Variants in HNRNPA1L2 observed in about 807,000 individuals in gnomAD.
The protein encoded by HNRNPA1L2 is heterogeneous nuclear ribonucleoprotein A1 like 2.
In HNRNPA1L2, 10 loss-of-function variants were observed where a neutral mutation model predicts 18.2. The observed-to-expected ratio is 0.55, with a 90% CI of 0.34 to 0.93. HNRNPA1L2 has a LOEUF of 0.93. Ranked by LOEUF, HNRNPA1L2 falls within the 40% of genes least tolerant of loss-of-function variation. The pLI is 0.02. For synonymous variants in HNRNPA1L2, 124 were observed against 138.6 expected (o/e 0.89, Z 0.74); for missense variants, 308 against 394.4 (o/e 0.78, Z 1.85).
upstream of HNRNPA1L2, among the ~76,000 whole-genome samples, chr13:52,640,619 T>C (rs1961627356): frequency 6.6e-6 from 1 of 152,228 alleles, no homozygotes; most frequent in African/African-American, 2.4e-5. Context: ...TGTCTTCACA[T>C]AGTCATGGAA....
At chr13:52,628,323 G>A in the HNRNPA1L2 span, among the ~76,000 whole-genome samples, 2 of 152,140 alleles carry the variant, frequency 1.3e-5, no homozygotes, top group Admixed American at 1.3e-4. Context: ...TGTGCCGGCA[G>A]TTCTAGCTAC....
At chr13:52,628,890 T>C in the HNRNPA1L2 span, among the ~76,000 whole-genome samples, 1 of 152,234 alleles carries the variant, frequency 6.6e-6, no homozygotes. Context: ...TTTTATTTTT[T>C]TGGAGACAAA....
chr13:52,633,455 A>G, the HNRNPA1L2 span, among the ~76,000 whole-genome samples: 1 of 152,196 alleles, frequency 6.6e-6, no homozygotes, highest in African/African-American at 2.4e-5. Flanking sequence ...GTTTACTAGT[A>G]AAATAAATGA....
chr13:52,635,575 AACACACACAC>A, the HNRNPA1L2 span, among the ~76,000 whole-genome samples: 2,012 of 143,350 alleles, frequency 0.014, 27 homozygotes, highest in African/African-American at 0.034. Context: ...GTCCTTTTGC[AACACACACAC>A]ACACACACAC....
the HNRNPA1L2 span, chr13:52,632,324 T>C: frequency 6.6e-6 from 1 of 152,266 alleles, no homozygotes; most frequent in Non-Finnish European, 1.5e-5. Context: ...TGTACGTCAG[T>C]GGAATTATTT....
chr13:52,619,158 C>G, the HNRNPA1L2 span, among the ~76,000 whole-genome samples: 1 of 150,408 alleles, frequency 6.6e-6, no homozygotes, highest in African/African-American at 2.5e-5. Flanking sequence ...CAGGCATGCC[C>G]CAGCTAATTT....
chr13:52,628,466 AAAG>A, the HNRNPA1L2 span, among the ~76,000 whole-genome samples: 1 of 152,202 alleles, frequency 6.6e-6, no homozygotes, highest in East Asian at 1.9e-4. Context: ...ATTTAAAAAA[AAAG>A]AAAACCATAA....
chr13:52,625,276 G>A, the HNRNPA1L2 span, among the ~76,000 whole-genome samples: 1 of 151,920 alleles, frequency 6.6e-6, no homozygotes, highest in African/African-American at 2.4e-5. Flanking sequence ...CACAATGCCT[G>A]GCTAATTTTT....
In HNRNPA1L2 at chr13:52,643,078, C is replaced by G. The variant is rs566360923; in HGVS notation, c.586C>G (p.Arg196Gly). The G allele has an allele frequency of 1.3e-6, 2 of 1,597,378 alleles. No homozygotes were observed. Among genetic ancestry groups the G allele is most frequent in the South Asian group, 2.2e-5 (2 of 90,958 alleles). Residue 196 changes from arginine to glycine, a missense_variant, in exon 1 of 1, where the codon CGA (arginine) becomes GGA (glycine). Transcript: ENST00000357495. ...MASASSSQRG[R>G]RGSGNFGGGR... The stretch of plus-strand genomic sequence containing the variant: ...TAGTGCTTCATCCAGCCAAAGAGGT[C>G]GAAGGGGTTCTGGAAACTTTGGTGG...
At chr13:52,625,234 C>T in the HNRNPA1L2 span, among the ~76,000 whole-genome samples, 1 of 151,816 alleles carries the variant, frequency 6.6e-6, no homozygotes, top group African/African-American at 2.4e-5. Flanking sequence ...CCTTCCTCAG[C>T]CTCCTGAGTA....
chr13:52,631,156 G>A, the HNRNPA1L2 span, among the ~76,000 whole-genome samples: 1 of 152,098 alleles, frequency 6.6e-6, no homozygotes, highest in Admixed American at 6.5e-5. Flanking sequence ...GACAACCCAG[G>A]CCTGGACTTA....
At chr13:52,638,142 T>G (rs527504858), upstream of HNRNPA1L2, among the ~76,000 whole-genome samples, 119 of 152,324 alleles carry the variant, frequency 7.8e-4, no homozygotes, top group Admixed American at 2.0e-3. Context: ...AAGTAGAAAT[T>G]GGTTGTAAAT....
the HNRNPA1L2 span, among the ~76,000 whole-genome samples, chr13:52,635,575 AACACACACACACACACAC>A: frequency 0.36 from 52,176 of 143,334 alleles, 10,108 homozygotes; most frequent in Non-Finnish European, 0.44. Context: ...GTCCTTTTGC[AACACACACACACACACAC>A]ACACACACAC....
At chr13:52,627,175 A>G in the HNRNPA1L2 span, among the ~76,000 whole-genome samples, 2 of 152,184 alleles carry the variant, frequency 1.3e-5, no homozygotes, top group African/African-American at 2.4e-5. Flanking sequence ...TCTAATTGAA[A>G]ATTCCACTAA....
Sources: allele counts gnomAD v4.1 joint callset (sites outside exome capture counted in the v4.1 genomes callset), GRCh38; gene constraint gnomAD v4.1.1; transcripts MANE v1.5; gene names NCBI Gene and HGNC (gene_info 2026-07-23, HGNC 2026-07-21).